Variants in KAT2B observed in about 807,000 individuals in gnomAD.
The protein encoded by KAT2B is histone acetyltransferase KAT2B.
KAT2B carries 36 observed loss-of-function variants against 105.9 expected under a neutral mutation model. That is an observed-to-expected ratio of 0.34 (90% CI 0.26 to 0.45). KAT2B has a LOEUF of 0.45. Among genes scored for constraint, KAT2B ranks in the 20% least tolerant of loss-of-function variants. The pLI, the probability that KAT2B is intolerant of heterozygous loss-of-function variation, is 1.00. For missense variants in KAT2B, 820 were observed against 1,021.6 expected, an observed-to-expected ratio of 0.80 and a Z score of 2.69; for synonymous variants, 397 against 377.9, an observed-to-expected ratio of 1.05 and a Z score of -0.59.
Position 20,095,388 on chromosome 3 carries a change from G to A in KAT2B, c.556G>A (p.Val186Ile), listed in dbSNP as rs1439822788. Residue 186 changes from valine (V) to isoleucine (I), a missense_variant, in exon 3 of 18, where the codon GTT becomes ATT. Transcript: ENST00000263754. ...GGAAGAAGATGCAGATACCAAACAA[G>A]TTTATTTCTATCTATTTAAGGTGAG... ...HKEEDADTKQ[V>I]YFYLFKLLRK... The A allele has an allele frequency of 1.3e-6, 2 of 1,590,606 alleles. No individual in the cohort carries two copies. Among genetic ancestry groups the A allele is most frequent in the East Asian group, 4.5e-5 (2 of 44,684 alleles).
chr3:20,077,239 C>T (rs1006577231), intron 2 of KAT2B, among the ~76,000 whole-genome samples: 4 of 152,110 alleles, frequency 2.6e-5, no homozygotes, highest in Non-Finnish European at 4.4e-5. Context: ...CTACTCAGGT[C>T]GCTGAGATGG....
intron 11 of KAT2B, among the ~76,000 whole-genome samples, chr3:20,135,858 A>G (rs1226986987): frequency 6.6e-6 from 1 of 152,212 alleles, no homozygotes; most frequent in Non-Finnish European, 1.5e-5. Context: ...AGTAGAACTA[A>G]GGTCAATAAG....
At chr3:20,094,496 C>T (rs1190234979) in intron 2 of KAT2B, among the ~76,000 whole-genome samples, 1 of 151,962 alleles carries the variant, frequency 6.6e-6, no homozygotes, top group East Asian at 1.9e-4. Flanking sequence ...TTACTAATAC[C>T]GACCGCATGG....
chr3:20,099,983 A>G (rs1266676382), intron 4 of KAT2B, 29 bp downstream of exon 4: 1 of 1,183,324 alleles, frequency 8.5e-7, no homozygotes, highest in African/African-American at 1.5e-5. Flanking sequence ...CCCTCTTTTT[A>G]TTGGCTCAAG....
In KAT2B at chr3:20,137,056, G is replaced by T. The variant is rs767676495; in HGVS notation, c.1860+4G>T. 1 of 1,413,838 alleles carries T rather than the reference G, an allele frequency of 7.1e-7. No homozygotes were observed. Among genetic ancestry groups the T allele is most frequent in the Non-Finnish European group, 1.0e-6 (1 of 997,564 alleles). 87.6% of individuals were successfully genotyped at this position (1,413,838 alleles called of 1,614,324 possible). On this transcript the variant is annotated splice_donor_region_variant and intron_variant, in intron 12 of 17. Transcript: ENST00000263754. ...AATTGGATACTTTAAGAAACAGGTT[G>T]GTTTCTCACCACGCAACACTGTTTT...
At chr3:20,075,024 G>T (rs1008921825) in intron 2 of KAT2B, among the ~76,000 whole-genome samples, 3 of 152,158 alleles carry the variant, frequency 2.0e-5, no homozygotes, top group African/African-American at 7.2e-5. Flanking sequence ...CCAGCACTTT[G>T]GGAGGCCGAG....
At position 20,148,692 on chromosome 3, in the gene KAT2B, T is replaced by C. The variant is rs1388755967; in HGVS notation, c.2305+205T>C. The C allele has an allele frequency of 1.4e-5, 7 of 483,462 alleles. No homozygotes were observed. In the Admixed American group the frequency reaches 2.3e-4, roughly 16 times the overall value. 29.9% of individuals were successfully genotyped at this position (483,462 alleles called of 1,614,324 possible). On this transcript the variant is annotated intron_variant, in intron 17 of 17. Coordinates refer to ENST00000263754, the MANE Select transcript of KAT2B (RefSeq NM_003884.5). ...TTAGAGACATTCTGCAGCTGTCGTTTAGAGCCCACATGAGCTTAACGACAC... is the reference window on the plus strand; with the variant it reads ...TTAGAGACATTCTGCAGCTGTCGTTCAGAGCCCACATGAGCTTAACGACAC...
chr3:20,096,007 C>T (rs757877323), intron 3 of KAT2B, among the ~76,000 whole-genome samples: 23 of 151,974 alleles, frequency 1.5e-4, no homozygotes, highest in Non-Finnish European at 2.2e-4. Flanking sequence ...GAAGAGACTC[C>T]GAGGCAGAGG....
At chr3:20,061,844 A>G (rs1286847975) in intron 1 of KAT2B, among the ~76,000 whole-genome samples, 28 of 112,732 alleles carry the variant, frequency 2.5e-4, no homozygotes, top group Non-Finnish European at 4.2e-4. Context: ...ATATACATAA[A>G]ATATATATAA....
In KAT2B at chr3:20,148,713, G is replaced by A. The variant is rs1002387346; in HGVS notation, c.2305+226G>A. The A allele has an allele frequency of 2.8e-5, 12 of 421,850 alleles. No homozygotes were observed. In the South Asian group the frequency reaches 5.1e-4, roughly 18 times the overall value. 26.1% of individuals were successfully genotyped at this position (421,850 alleles called of 1,614,324 possible). On this transcript the variant is annotated intron_variant, in intron 17 of 17. Transcript: ENST00000263754. The stretch of plus-strand genomic sequence containing the variant: ...CGTTTAGAGCCCACATGAGCTTAAC[G>A]ACACTAGACGCAGAAAATCCACGGT...
At position 20,153,124 on chromosome 3, in the gene KAT2B, A is replaced by G. The variant is rs928967357; in HGVS notation, c.*599A>G. Reference sequence around the variant, plus strand: ...AGGAAAGCAACTGCTTTGGTTCCTAAGGAAGAAATTCTAAATAATGCAAAC... The same window carrying G: ...AGGAAAGCAACTGCTTTGGTTCCTAGGGAAGAAATTCTAAATAATGCAAAC... On this transcript the variant is annotated 3_prime_UTR_variant, in exon 18 of 18. Coordinates refer to ENST00000263754, the MANE Select transcript of KAT2B (RefSeq NM_003884.5). The G allele has an allele frequency of 1.3e-5, 2 of 152,582 alleles. No individual in the cohort carries two copies. Among genetic ancestry groups the G allele is most frequent in the Non-Finnish European group, 2.9e-5 (2 of 67,984 alleles). The allele number at this position is 152,582 out of a possible 1,614,324, so 9.5% of individuals were successfully genotyped here.
intron 1 of KAT2B, among the ~76,000 whole-genome samples, chr3:20,048,407 T>C (rs1455581565): frequency 6.6e-6 from 1 of 152,224 alleles, no homozygotes; most frequent in Non-Finnish European, 1.5e-5. Flanking sequence ...CGATTTGTGA[T>C]ATAGCGCTGT....
intron 2 of KAT2B, among the ~76,000 whole-genome samples, chr3:20,083,695 A>G (rs887794206): frequency 2.0e-5 from 3 of 152,172 alleles, no homozygotes; most frequent in East Asian, 1.9e-4. Context: ...TGACATTCCA[A>G]TGGAAGAAAG....
At chr3:20,148,662 G>T in intron 17 of KAT2B, 175 bp downstream of exon 17, 1 of 535,048 alleles carries the variant, frequency 1.9e-6, no homozygotes, top group Non-Finnish European at 3.3e-6. Flanking sequence ...GGGTGGCTGT[G>T]TTCATTAGAG....
chr3:20,126,774 A>G (rs563298331), intron 10 of KAT2B, among the ~76,000 whole-genome samples: 49 of 141,548 alleles, frequency 3.5e-4, no homozygotes, highest in Non-Finnish European at 5.5e-4. Context: ...GTGAGCCGAG[A>G]CCGTGCCATT....
chr3:20,082,968 C>T (rs574429753), intron 2 of KAT2B, among the ~76,000 whole-genome samples: 1 of 152,238 alleles, frequency 6.6e-6, no homozygotes, highest in South Asian at 2.1e-4. Context: ...ACTCCCTGGG[C>T]CTTCCGTTGA....
chr3:20,132,849 A>C lies in KAT2B; in HGVS notation c.1750-4093A>C, dbSNP rs1559328192. Among the ~76,000 whole-genome samples, 3 of 152,306 alleles carry C rather than the reference A, an allele frequency of 2.0e-5. No individual in the cohort carries two copies. The Middle Eastern group carries it at 0.01, about 518-fold the overall frequency. ...AATTGGATTATGGATGAAGGGTACA[A>C]ATTTATAGTTTCTATTAACTCCTTA... On this transcript the variant is annotated intron_variant, in intron 11 of 17. Transcript: ENST00000263754.
chr3:20,056,946 A>T (rs1250992102), intron 1 of KAT2B, among the ~76,000 whole-genome samples: 1 of 152,224 alleles, frequency 6.6e-6, no homozygotes, highest in Non-Finnish European at 1.5e-5. Context: ...GGAAAGTAGT[A>T]AACACAAATG....
chr3:20,064,028 A>G (rs974094548), intron 1 of KAT2B, among the ~76,000 whole-genome samples: 3 of 152,132 alleles, frequency 2.0e-5, no homozygotes, highest in Non-Finnish European at 4.4e-5. Context: ...TTTGACCATT[A>G]TCTGTGAGGG....
Sources: gnomAD v4.1 joint callset for allele counts (sites outside exome capture counted in the v4.1 genomes callset) on GRCh38, gnomAD v4.1.1 for gene constraint, MANE v1.5 for transcripts, NCBI Gene and HGNC (gene_info 2026-07-23, HGNC 2026-07-21) for gene names.